Variants in HMGA2 observed in about 807,000 individuals in gnomAD.
HMGA2 encodes the protein high mobility group protein HMGI-C.
HMGA2 carries 8 observed loss-of-function variants against 19.1 expected under a neutral mutation model. That is an observed-to-expected ratio of 0.42 (90% confidence interval 0.25 to 0.76). The LOEUF (loss-of-function observed/expected upper bound fraction) is 0.76, where lower values mean the gene tolerates loss of function less well. Ranked by LOEUF, HMGA2 falls within the 30% of genes least tolerant of loss-of-function variation. HMGA2 has a pLI of 0.28. For synonymous variants in HMGA2, 60 were observed against 48.8 expected (o/e 1.23, Z -0.96); for missense variants, 109 against 136.3 (o/e 0.80, Z 1.00).
Position 65,882,000 on chromosome 12 carries a change from G to A in HMGA2, c.249+43431G>A, listed in dbSNP as rs746003283. ...ACGTCTCCATCTCCTGTCCCTGGGCGGTCAGTCGCTGGCATGGCTCTGTGG... is the reference window on the plus strand; with the variant it reads ...ACGTCTCCATCTCCTGTCCCTGGGCAGTCAGTCGCTGGCATGGCTCTGTGG... On this transcript the variant is annotated intron_variant, in intron 3 of 4. Coordinates refer to ENST00000403681, the MANE Select transcript of HMGA2 (RefSeq NM_003483.6). The A allele has an allele frequency of 5.2e-5, 36 of 687,922 alleles. No individual in the cohort carries two copies. In the East Asian group the frequency reaches 8.1e-4, roughly 16 times the overall value. 42.6% of individuals were successfully genotyped at this position (687,922 alleles called of 1,614,324 possible).
At chr12:65,846,001 G>T (rs1291707424) in intron 3 of HMGA2, among the ~76,000 whole-genome samples, 6 of 152,164 alleles carry the variant, frequency 3.9e-5, no homozygotes, top group African/African-American at 1.4e-4. Flanking sequence ...CAGATGGGGG[G>T]CAGGGTCAGG....
intron 2 of HMGA2, 97 bp downstream of exon 2, chr12:65,828,184 T>C: frequency 1.1e-6 from 1 of 879,510 alleles, no homozygotes; most frequent in Non-Finnish European, 1.9e-6. Context: ...GCCAGGAATT[T>C]GTCCCAACTG....
chr12:65,963,202 T>C (rs764303427), intron 4 of HMGA2, 43 bp from the exon 5 acceptor site: 5 of 1,594,172 alleles, frequency 3.1e-6, no homozygotes, highest in Non-Finnish European at 1.7e-6. Flanking sequence ...GCCCACACAG[T>C]ATAACGATTG....
At chr12:65,930,464 C>T (rs558775162) in intron 3 of HMGA2, among the ~76,000 whole-genome samples, 2 of 152,154 alleles carry the variant, frequency 1.3e-5, no homozygotes, top group South Asian at 2.1e-4. Context: ...AGAGAGTTTG[C>T]GGGGAGCTTG....
intron 2 of HMGA2, among the ~76,000 whole-genome samples, chr12:65,829,699 C>T (rs1870390045): frequency 6.6e-6 from 1 of 151,878 alleles, no homozygotes; most frequent in African/African-American, 2.4e-5. Flanking sequence ...AATTGTCTCC[C>T]ATATTTTACT....
intron 3 of HMGA2, among the ~76,000 whole-genome samples, chr12:65,897,037 A>G (rs1174775629): frequency 6.6e-6 from 1 of 152,260 alleles, no homozygotes; most frequent in African/African-American, 2.4e-5. Flanking sequence ...GATTCCTGCA[A>G]TAGTGAAGAA....
intron 3 of HMGA2, among the ~76,000 whole-genome samples, chr12:65,926,117 C>T (rs758116432): frequency 1.4e-4 from 21 of 152,180 alleles, no homozygotes; most frequent in Non-Finnish European, 2.5e-4. Context: ...GGAATGCCAA[C>T]CCCAGACAAT....
At chr12:65,859,651 A>G (rs1046170681) in intron 3 of HMGA2, 3 of 152,384 alleles carry the variant, frequency 2.0e-5, no homozygotes, top group African/African-American at 7.2e-5. Flanking sequence ...ACCTTTTATG[A>G]ATTAGCTCCT....
intron 2 of HMGA2, among the ~76,000 whole-genome samples, chr12:65,833,974 C>T (rs553897630): frequency 6.6e-6 from 1 of 152,278 alleles, no homozygotes; most frequent in East Asian, 1.9e-4. Flanking sequence ...TAGCTTTTGT[C>T]AGGCACTTTA....
chr12:65,934,514 G>A (rs908854831), intron 3 of HMGA2, among the ~76,000 whole-genome samples: 1 of 152,150 alleles, frequency 6.6e-6, no homozygotes, highest in African/African-American at 2.4e-5. Flanking sequence ...TATAACCAGA[G>A]AATGCAAAAT....
intron 3 of HMGA2, chr12:65,857,845 C>G (rs749085622): frequency 3.9e-5 from 6 of 152,406 alleles, no homozygotes; most frequent in Non-Finnish European, 8.8e-5. Flanking sequence ...TTCCTATAAT[C>G]TTACAGACCT....
chr12:65,830,875 G>T (rs958850688), intron 2 of HMGA2: 4 of 151,788 alleles, frequency 2.6e-5, no homozygotes, highest in Non-Finnish European at 5.9e-5. Context: ...GGAACTTTTG[G>T]AAGAGAAGAT....
At chr12:65,916,312 A>G (rs1875099871) in intron 3 of HMGA2, among the ~76,000 whole-genome samples, 1 of 152,238 alleles carries the variant, frequency 6.6e-6, no homozygotes, top group African/African-American at 2.4e-5. Flanking sequence ...ATGAAGATTA[A>G]GAAGTGGAAA....
chr12:65,844,913 G>A (rs1276107784), intron 3 of HMGA2, among the ~76,000 whole-genome samples: 1 of 152,170 alleles, frequency 6.6e-6, no homozygotes, highest in African/African-American at 2.4e-5. Flanking sequence ...GCTATCATCA[G>A]ATCAATAGAG....
intron 3 of HMGA2, among the ~76,000 whole-genome samples, chr12:65,896,140 G>C (rs1874119263): frequency 6.6e-6 from 1 of 152,096 alleles, no homozygotes; most frequent in Non-Finnish European, 1.5e-5. Flanking sequence ...ATGGTTTTGG[G>C]GTTTTTGAAA....
At chr12:65,883,271 A>T (rs546002332) in intron 3 of HMGA2, among the ~76,000 whole-genome samples, 29 of 152,352 alleles carry the variant, frequency 1.9e-4, no homozygotes, top group African/African-American at 7.0e-4. Context: ...GATGCAAAGG[A>T]TAAGGAACTC....
intron 3 of HMGA2, among the ~76,000 whole-genome samples, chr12:65,912,940 G>T (rs1304842233): frequency 6.6e-6 from 1 of 152,152 alleles, no homozygotes; most frequent in Non-Finnish European, 1.5e-5. Context: ...AACTCTCAAA[G>T]CAGTCCTTTA....
chr12:65,932,602 G>A (rs867838428), intron 3 of HMGA2, among the ~76,000 whole-genome samples: 1 of 152,232 alleles, frequency 6.6e-6, no homozygotes, highest in Non-Finnish European at 1.5e-5. Context: ...CTTAATTTGG[G>A]TGTAGGACCA....
rs750819798 is a variant in HMGA2, at chr12:65,825,424, C to T, written c.111+43C>T. ...GTGGGGGCACCAGCCCACCCCGTCC[C>T]CACTGCCGGGGCCCAGACACGCGCG... On this transcript the variant is annotated intron_variant, in intron 1 of 4. Coordinates refer to ENST00000403681, the MANE Select transcript of HMGA2 (RefSeq NM_003483.6). This position sits in a 1 kb window ranked among gnomAD's most constrained non-coding sequence, Gnocchi z 4.4. The T allele has an allele frequency of 1.3e-5, 18 of 1,395,190 alleles. No homozygotes were observed. The highest frequency in any genetic ancestry group is 4.8e-6 in the Non-Finnish European group (5 of 1,043,498). The allele number at this position is 1,395,190 out of a possible 1,614,324, so 86.4% of individuals were successfully genotyped here.
Sources: gnomAD v4.1 joint callset for allele counts (sites outside exome capture counted in the v4.1 genomes callset) on GRCh38, gnomAD v4.1.1 for gene constraint, Gnocchi (gnomAD v3.1) non-coding constraint, MANE v1.5 for transcripts, NCBI Gene and HGNC (gene_info 2026-07-23, HGNC 2026-07-21) for gene names.